TENM3: variants seen among roughly 807,000 people sequenced by gnomAD.
TENM3 encodes the protein teneurin-3.
Under a neutral mutation model 255.1 loss-of-function variants are expected in TENM3, and 63 were observed. The ratio of observed to expected loss-of-function variants is 0.25; its 90% CI spans 0.20 to 0.30. The LOEUF (loss-of-function observed/expected upper bound fraction) is 0.30, where lower values mean the gene tolerates loss of function less well. Among genes scored for constraint, TENM3 ranks in the 10% least tolerant of loss-of-function variants. The probability of loss-of-function intolerance (pLI) is 1.00; values close to 1 mark genes in which losing one functional copy is unlikely to be tolerated. For missense variants in TENM3, 2,929 were observed against 3,461.1 expected, an observed-to-expected ratio of 0.85 and a Z score of 3.86; for synonymous variants, 1,306 against 1,322.3, an observed-to-expected ratio of 0.99 and a Z score of 0.27.
At chr4:182,364,397 G>GTTGTTTT (rs566800356) in intron 3 of TENM3, among the ~76,000 whole-genome samples, 6 of 152,008 alleles carry the variant, frequency 3.9e-5, no homozygotes, top group Admixed American at 1.3e-4. Context: ...TGCAACTTCA[G>GTTGTTTT]TTGTTTTTTG....
chr4:181,788,624 G>T, the TENM3 span, among the ~76,000 whole-genome samples: 1 of 152,104 alleles, frequency 6.6e-6, no homozygotes, highest in Non-Finnish European at 1.5e-5. Flanking sequence ...TAGAGACAGG[G>T]TCTCGCTCTG....
chr4:181,618,558 G>T, the TENM3 span, among the ~76,000 whole-genome samples: 6 of 152,286 alleles, frequency 3.9e-5, no homozygotes, highest in African/African-American at 4.8e-5. Context: ...AATGCCTAAG[G>T]CTTCTAAGCC....
At chr4:182,526,850 G>C (rs1328704711) in intron 3 of TENM3, among the ~76,000 whole-genome samples, 2 of 152,112 alleles carry the variant, frequency 1.3e-5, no homozygotes, top group African/African-American at 4.8e-5. Flanking sequence ...TGTGATGATA[G>C]TCCTGAATCT....
chr4:181,794,250 G>A, the TENM3 span, among the ~76,000 whole-genome samples: 51 of 152,070 alleles, frequency 3.4e-4, no homozygotes, highest in African/African-American at 1.1e-3. Context: ...TCTCCATCAC[G>A]TCACATAGTT....
chr4:181,501,503 CA>C, the TENM3 span, among the ~76,000 whole-genome samples: 1 of 151,882 alleles, frequency 6.6e-6, no homozygotes, highest in Admixed American at 6.6e-5. Context: ...CTCAGCCTCC[CA>C]AGTAGTGGGA....
At chr4:182,050,162 T>C in the TENM3 span, among the ~76,000 whole-genome samples, 1 of 151,908 alleles carries the variant, frequency 6.6e-6, no homozygotes, top group African/African-American at 2.4e-5. Flanking sequence ...CTGGCTAATT[T>C]TTGTATTTTT....
At chr4:182,150,169 G>A (rs1378277454) in intron 1 of TENM3, among the ~76,000 whole-genome samples, 1 of 151,568 alleles carries the variant, frequency 6.6e-6, no homozygotes, top group East Asian at 1.9e-4. Flanking sequence ...TCTACTTGGT[G>A]TCTGCCTCAA....
the TENM3 span, among the ~76,000 whole-genome samples, chr4:181,793,798 A>G: frequency 6.6e-6 from 1 of 152,228 alleles, no homozygotes; most frequent in African/African-American, 2.4e-5. Flanking sequence ...AATCAAGAAA[A>G]GCTCACATCG....
chr4:182,174,165 C>T (rs6815990), intron 1 of TENM3, among the ~76,000 whole-genome samples: 91,096 of 151,720 alleles, frequency 0.6, 27,847 homozygotes, highest in Non-Finnish European at 0.67. Context: ...TATGTCATCG[C>T]GGGAAATTTC....
intron 3 of TENM3, among the ~76,000 whole-genome samples, chr4:182,464,670 A>C (rs1732418873): frequency 6.6e-6 from 1 of 152,264 alleles, no homozygotes; most frequent in Non-Finnish European, 1.5e-5. Context: ...AGTATTTTAA[A>C]GGTTATGAAG....
At chr4:181,862,053 A>G in the TENM3 span, among the ~76,000 whole-genome samples, 4 of 152,056 alleles carry the variant, frequency 2.6e-5, no homozygotes, top group Non-Finnish European at 5.9e-5. Context: ...TTGGGTGGAA[A>G]CTGTTAAATT....
chr4:182,538,275 G>T (rs1362948200), intron 3 of TENM3, among the ~76,000 whole-genome samples: 1 of 152,290 alleles, frequency 6.6e-6, no homozygotes, highest in East Asian at 1.9e-4. Context: ...GAATACAATA[G>T]TAGGCAAATT....
intron 22 of TENM3, among the ~76,000 whole-genome samples, chr4:182,768,640 G>A (rs1286673034): frequency 1.3e-5 from 2 of 152,152 alleles, no homozygotes; most frequent in Non-Finnish European, 2.9e-5. Context: ...AGCTGAGAAT[G>A]ACTGAGGCTG....
chr4:181,975,959 T>C, the TENM3 span: 2 of 152,208 alleles, frequency 1.3e-5, no homozygotes, highest in Non-Finnish European at 2.9e-5. Flanking sequence ...GCTACTCTCC[T>C]TGCTTCTAGT....
At position 182,354,780 on chromosome 4, in the gene TENM3, C is replaced by T. The variant is rs138085637; in HGVS notation, c.511+7851C>T. Among the ~76,000 whole-genome samples, 525 of 152,218 alleles carry T rather than the reference C, an allele frequency of 3.4e-3. 1 individual carries two copies. The highest frequency in any genetic ancestry group is 0.012 in the African/African-American group (497 of 41,544). On this transcript the variant is annotated intron_variant, in intron 3 of 27. Transcript: ENST00000511685. ...ATGCATGTTAAAATGGATAGAAATG[C>T]GTATACACTTAAGAAAAGAGCAACT... is the stretch of plus-strand genomic sequence containing the variant.
At chr4:182,765,940 C>T (rs1763683131) in intron 22 of TENM3, among the ~76,000 whole-genome samples, 1 of 152,176 alleles carries the variant, frequency 6.6e-6, no homozygotes, top group African/African-American at 2.4e-5. Flanking sequence ...ATGCATATTG[C>T]ATATTGCATT....
intron 1 of TENM3, among the ~76,000 whole-genome samples, chr4:182,150,276 A>C (rs1750249135): frequency 6.6e-6 from 1 of 151,898 alleles, no homozygotes; most frequent in Non-Finnish European, 1.5e-5. Context: ...GAAAATAGGA[A>C]ATTGAATATC....
chr4:181,949,332 T>C, the TENM3 span, among the ~76,000 whole-genome samples: 3 of 152,220 alleles, frequency 2.0e-5, no homozygotes, highest in Admixed American at 1.3e-4. Context: ...TTATAGACCT[T>C]TTATTCATGT....
intron 2 of TENM3, 71 bp downstream of exon 2, chr4:182,324,323 C>T: frequency 8.7e-7 from 1 of 1,143,298 alleles, no homozygotes. Flanking sequence ...ATTTTCCCCT[C>T]AAGGTGACAT....
Sources: allele counts gnomAD v4.1 joint callset (sites outside exome capture counted in the v4.1 genomes callset), GRCh38; gene constraint gnomAD v4.1.1; transcripts MANE v1.5; gene names NCBI Gene and HGNC (gene_info 2026-07-23, HGNC 2026-07-21).